ABCA9: variants seen among roughly 807,000 people sequenced by gnomAD.
ABCA9 encodes the protein ATP-binding cassette sub-family A member 9.
Under a neutral mutation model 205.3 loss-of-function variants are expected in ABCA9, and 183 were observed. The observed-to-expected ratio is 0.89, with a 90% CI of 0.79 to 1.01. ABCA9 has a LOEUF of 1.01. ABCA9 is among the 50% of genes least tolerant of loss of function. The pLI is 0.00. For synonymous variants in ABCA9, 651 were observed against 683.3 expected, an observed-to-expected ratio of 0.95 and a Z score of 0.74; for missense variants, 1,805 against 1,912.4, an observed-to-expected ratio of 0.94 and a Z score of 1.05.
intron 25 of ABCA9, among the ~76,000 whole-genome samples, chr17:68,999,041 C>T (rs926050095): frequency 1.3e-5 from 2 of 151,970 alleles, no homozygotes; most frequent in African/African-American, 4.8e-5. Flanking sequence ...TGTAGGTCTA[C>T]TGAGATCTTC....
At chr17:69,044,984 T>G (rs1270490051) in intron 4 of ABCA9, among the ~76,000 whole-genome samples, 188 bp downstream of exon 4, 1 of 152,178 alleles carries the variant, frequency 6.6e-6, no homozygotes, top group Non-Finnish European at 1.5e-5. Context: ...ATATAATTTC[T>G]TAATAAAACA....
intron 23 of ABCA9, 66 bp downstream of exon 23, chr17:69,011,910 A>G (rs2070388590): frequency 2.0e-6 from 2 of 1,003,268 alleles, no homozygotes; most frequent in Non-Finnish European, 2.8e-6. Context: ...GTAAATTTAT[A>G]GTCGTAAGGG....
intron 37 of ABCA9, 105 bp downstream of exon 37, chr17:68,982,452 AATGAT>A: frequency 1.2e-6 from 1 of 825,560 alleles, no homozygotes; most frequent in Non-Finnish European, 2.0e-6. Flanking sequence ...GTAATGTATT[AATGAT>A]ATAACAGCAT....
chr17:69,030,735 C>T (rs1235366157), intron 10 of ABCA9, among the ~76,000 whole-genome samples: 1 of 152,052 alleles, frequency 6.6e-6, no homozygotes, highest in Non-Finnish European at 1.5e-5. Flanking sequence ...TGCTTTATTC[C>T]TTCATTTCAT....
chr17:69,076,228 AG>A, the ABCA9 span, among the ~76,000 whole-genome samples: 40 of 152,230 alleles, frequency 2.6e-4, no homozygotes, highest in African/African-American at 9.1e-4. Context: ...TTTATCATGA[AG>A]GGATGTTGGA....
At chr17:68,996,770 G>A (rs2069639880) in intron 25 of ABCA9, among the ~76,000 whole-genome samples, 1 of 152,038 alleles carries the variant, frequency 6.6e-6, no homozygotes, top group Non-Finnish European at 1.5e-5. Context: ...ATTGGTTTGG[G>A]TAATTTGTCC....
At chr17:68,992,719 A>T in intron 27 of ABCA9, 1 of 255,128 alleles carries the variant, frequency 3.9e-6, no homozygotes, top group Non-Finnish European at 7.5e-6. Flanking sequence ...AGGCTGAGGC[A>T]GGAGAATTGC....
rs949450578 is a variant in ABCA9, at chr17:69,023,715, T to C, written c.2281+499A>G. 1.3e-5 allele frequency among the ~76,000 whole-genome samples: 2 copies of C among 152,222 alleles called. No individual in the cohort carries two copies. Among genetic ancestry groups the C allele is most frequent in the Non-Finnish European group, 2.9e-5 (2 of 68,032 alleles). On this transcript the variant is annotated intron_variant, in intron 17 of 38. Transcript: ENST00000340001. The surrounding 1 kb of genome is among the most constrained non-coding windows in gnomAD (Gnocchi z 4.2). ...CCAGTAGTTCTCCAAGCTTCTGTGT[T>C]TGCAGCAAAGTTGTACATTGAAGTG...
rs1159988234 is a variant in ABCA9 at position 69,035,698 on chromosome 17, T to C, written c.904A>G (p.Met302Val). ...AQIVVLTGFVMVFTLFLLYGL... is the reference protein window; with the variant it reads ...AQIVVLTGFVVVFTLFLLYGL... Reference sequence around the variant, plus strand: ...TAGAGGAGAAAGAGGGTGAAGACCATCACAAAACCAGTCAGGACGACAATT... The same window carrying C: ...TAGAGGAGAAAGAGGGTGAAGACCACCACAAAACCAGTCAGGACGACAATT... Residue 302 changes from methionine (M) to valine (V), a missense_variant, in exon 7 of 39, where the codon ATG becomes GTG. Transcript: ENST00000340001. The C allele has an allele frequency of 1.9e-6, 3 of 1,613,484 alleles. No individual in the cohort carries two copies. In the East Asian group the frequency reaches 6.7e-5, roughly 36 times the overall value.
chr17:68,987,758 G>GTTTTTTT (rs72302464), intron 31 of ABCA9, among the ~76,000 whole-genome samples: 5 of 95,490 alleles, frequency 5.2e-5, no homozygotes, highest in Non-Finnish European at 1.1e-4. Flanking sequence ...TTGTTTGTTT[G>GTTTTTTT]TTTGTTTGTT....
chr17:69,014,060 G>GATA (rs1419461068), intron 22 of ABCA9, among the ~76,000 whole-genome samples: 1 of 152,148 alleles, frequency 6.6e-6, no homozygotes, highest in African/African-American at 2.4e-5. Context: ...TTGTCATCCA[G>GATA]ATAATTGGCT....
In ABCA9 at chr17:69,027,058, T is replaced by C. The variant is rs2071015420; in HGVS notation, c.1968A>G (p.Ile656Met). The C allele has an allele frequency of 6.2e-7, 1 of 1,614,152 alleles. No individual in the cohort carries two copies. Among genetic ancestry groups the C allele is most frequent in the African/African-American group, 1.3e-5 (1 of 75,052 alleles). The stretch of plus-strand genomic sequence containing the variant: ...ATTTCCCCTCTTTCAGGAGATTCCA[T>C]ATTCGGTGCCTTGAAAGAGGATCCA... ...AGLDPLSRHR[I>M]WNLLKEGKSD... Residue 656 changes from isoleucine (I) to methionine (M), a missense_variant, in exon 15 of 39, where the codon ATA becomes ATG. Coordinates refer to ENST00000340001, the MANE Select transcript of ABCA9 (RefSeq NM_080283.4).
At chr17:68,990,696 A>G (rs2069420517) in intron 29 of ABCA9, 141 bp downstream of exon 29, 1 of 994,154 alleles carries the variant, frequency 1.0e-6, no homozygotes, top group Admixed American at 2.9e-5. Context: ...TGGGCCTTGC[A>G]TACCTGCTGA....
chr17:69,054,526 CAAA>C (rs751565245), intron 1 of ABCA9, among the ~76,000 whole-genome samples: 5 of 77,384 alleles, frequency 6.5e-5, no homozygotes, highest in Admixed American at 1.5e-4. Context: ...GACCCTCTCT[CAAA>C]AAAAAAAAAA....
rs369248653 is a variant in ABCA9 at position 68,975,897 on chromosome 17, T to C, written c.*18A>G. 4.7e-5 allele frequency: 74 copies of C among 1,569,950 alleles called. No individual in the cohort carries two copies. Among genetic ancestry groups the C allele is most frequent in the Non-Finnish European group, 6.0e-5 (69 of 1,143,570 alleles). ...AAAGAGTCACAGGATTAAAGAAAGATATAGGGTATTTGGAGCTTTAAGGCT... is the reference window on the plus strand; with the variant it reads ...AAAGAGTCACAGGATTAAAGAAAGACATAGGGTATTTGGAGCTTTAAGGCT... On this transcript the variant is annotated 3_prime_UTR_variant, in exon 39 of 39. Transcript: ENST00000340001.
chr17:68,986,466 T>C (rs756308898), intron 31 of ABCA9, 142 bp from the exon 32 acceptor site: 1 of 819,416 alleles, frequency 1.2e-6, no homozygotes, highest in Non-Finnish European at 1.7e-6. Context: ...TCACTTAACT[T>C]TGGGGAAAAG....
At chr17:69,017,571 C>G in intron 21 of ABCA9, 85 bp downstream of exon 21, 2 of 1,455,452 alleles carry the variant, frequency 1.4e-6, no homozygotes, top group Non-Finnish European at 1.9e-6. Context: ...GTGAAATTGG[C>G]CTTTCATTCA....
the ABCA9 span, among the ~76,000 whole-genome samples, chr17:69,067,474 T>G: frequency 1.4e-3 from 206 of 150,610 alleles, 3 homozygotes; most frequent in Admixed American, 0.012. Flanking sequence ...CTTGAGCCCT[T>G]GAGCCTGGGA....
intron 6 of ABCA9, among the ~76,000 whole-genome samples, chr17:69,037,975 A>G (rs2364311): frequency 0.91 from 138,832 of 152,160 alleles, 63,723 homozygotes; most frequent in East Asian, 1. Context: ...TAGAAGAAAT[A>G]GATAAATTCC....
Sources: allele counts gnomAD v4.1 joint callset (sites outside exome capture counted in the v4.1 genomes callset), GRCh38; gene constraint gnomAD v4.1.1; non-coding constraint Gnocchi (gnomAD v3.1); transcripts MANE v1.5; gene names NCBI Gene and HGNC (gene_info 2026-07-23, HGNC 2026-07-21).